Variants in CHN2 observed in about 807,000 individuals in gnomAD.
The protein encoded by CHN2 is beta-chimaerin.
A neutral mutation model predicts 56.3 loss-of-function variants in CHN2; 35 were observed. The observed-to-expected ratio is 0.62, with a 90% CI of 0.47 to 0.82. The LOEUF (loss-of-function observed/expected upper bound fraction) is 0.82. Among genes scored for constraint, CHN2 ranks in the 40% least tolerant of loss-of-function variants. The pLI, the probability that CHN2 is intolerant of heterozygous loss-of-function variation, is 0.00. For synonymous variants in CHN2, 210 were observed against 212.8 expected (o/e 0.99, Z 0.12); for missense variants, 491 against 580.5 (o/e 0.85, Z 1.58).
intron 2 of CHN2, among the ~76,000 whole-genome samples, chr7:29,183,143 G>A (rs1165014609): frequency 6.6e-6 from 1 of 150,478 alleles, no homozygotes; most frequent in African/African-American, 2.5e-5. Context: ...GGAGTGCAAC[G>A]GCGCAATCTT....
intron 6 of CHN2, among the ~76,000 whole-genome samples, chr7:29,478,040 CAG>C (rs998109371): frequency 2.6e-5 from 4 of 152,136 alleles, no homozygotes; most frequent in Admixed American, 2.6e-4. Flanking sequence ...TAATACAAGA[CAG>C]AAAGTGACAA....
intron 1 of CHN2, among the ~76,000 whole-genome samples, chr7:29,323,156 C>T (rs867056226): frequency 4.0e-5 from 6 of 151,090 alleles, no homozygotes; most frequent in African/African-American, 1.5e-4. Context: ...TCCGTCCCCC[C>T]CGTTCCCCCC....
intron 1 of CHN2, among the ~76,000 whole-genome samples, chr7:29,325,697 G>A (rs1795745587): frequency 6.6e-6 from 1 of 152,162 alleles, no homozygotes; most frequent in African/African-American, 2.4e-5. Context: ...GAGTGGGTGT[G>A]GCTTTTAAAG....
intron 11 of CHN2, among the ~76,000 whole-genome samples, chr7:29,508,624 A>G (rs1790899182): frequency 6.6e-6 from 1 of 151,978 alleles, no homozygotes; most frequent in South Asian, 2.1e-4. Context: ...TAGCATCTAG[A>G]TATCCTCTAC....
intron 3 of CHN2, among the ~76,000 whole-genome samples, chr7:29,387,941 T>C (rs1260075179): frequency 1.3e-5 from 2 of 152,248 alleles, no homozygotes; most frequent in Non-Finnish European, 2.9e-5. Context: ...ATATACCTAC[T>C]CATTACTGCA....
intron 1 of CHN2, among the ~76,000 whole-genome samples, chr7:29,304,252 A>G (rs867417067): frequency 1.3e-5 from 2 of 152,172 alleles, no homozygotes; most frequent in South Asian, 2.1e-4. Context: ...AATTAGAGGC[A>G]GAACAGAGCC....
At chr7:29,371,684 C>T (rs1012258163) in intron 3 of CHN2, among the ~76,000 whole-genome samples, 8 of 152,182 alleles carry the variant, frequency 5.3e-5, no homozygotes, top group Admixed American at 3.3e-4. Flanking sequence ...CCTCAGGCCA[C>T]CACCTGTCTC....
chr7:29,314,437 G>A (rs530037896), intron 1 of CHN2, among the ~76,000 whole-genome samples: 2 of 152,344 alleles, frequency 1.3e-5, no homozygotes, highest in South Asian at 2.1e-4. Flanking sequence ...TTTGCAGGAT[G>A]AGGAGAGTTC....
chr7:29,502,097 G>A (rs1790032057), intron 9 of CHN2, among the ~76,000 whole-genome samples: 1 of 152,188 alleles, frequency 6.6e-6, no homozygotes, highest in Non-Finnish European at 1.5e-5. Context: ...TTCTTGGAAT[G>A]ACCCACACCC....
intron 2 of CHN2, among the ~76,000 whole-genome samples, chr7:29,169,880 G>GTATA (rs61360748): frequency 4.9e-4 from 73 of 150,044 alleles, no homozygotes; most frequent in African/African-American, 1.7e-3. Flanking sequence ...GTGTGTGTGT[G>GTATA]TATATATATA....
chr7:29,314,472 C>G (rs1794816668), intron 1 of CHN2, among the ~76,000 whole-genome samples: 1 of 152,116 alleles, frequency 6.6e-6, no homozygotes, highest in Non-Finnish European at 1.5e-5. Context: ...ACAACCATGT[C>G]AATGTACCTA....
intron 1 of CHN2, chr7:29,212,305 G>A (rs532643161): frequency 8.2e-7 from 1 of 1,222,438 alleles, no homozygotes; most frequent in Non-Finnish European, 1.2e-6. Flanking sequence ...ACTAACATGA[G>A]TGTGGATCTG....
chr7:29,398,153 C>T (rs1801912317), intron 4 of CHN2: 2 of 367,430 alleles, frequency 5.4e-6, no homozygotes, highest in Non-Finnish European at 4.8e-6. Flanking sequence ...GCCAGGTGGA[C>T]TGGGCATCCT....
upstream of CHN2, chr7:29,191,962 C>T (rs1194548510): frequency 6.6e-6 from 1 of 152,218 alleles, no homozygotes; most frequent in Non-Finnish European, 1.5e-5. Flanking sequence ...GCTCCTGAAT[C>T]TAAGAAGGAT....
rs767465868 is a variant in CHN2 at position 29,496,006 on chromosome 7, G to A, written c.709G>A (p.Gly237Arg). 6.2e-7 allele frequency: 1 copy of A among 1,612,472 alleles called. No homozygotes were observed. Among genetic ancestry groups the A allele is most frequent in the Non-Finnish European group, 8.5e-7 (1 of 1,179,522 alleles). Residue 237 changes from glycine (G) to arginine (R), a missense_variant, in exon 8 of 13, where the codon GGG (glycine) becomes AGG (arginine). Gly to Arg is a moderately radical substitution (Grantham distance 125, BLOSUM62 -2). Coordinates refer to ENST00000222792, the MANE Select transcript of CHN2 (RefSeq NM_004067.4). Reference sequence around the variant, plus strand: ...TGAATATTGTGCCAATTTCATGTGGGGGCTCATCGCCCAAGGGGTCCGGTG... The same window carrying A: ...TGAATATTGTGCCAATTTCATGTGGAGGCTCATCGCCCAAGGGGTCCGGTG... ...WCEYCANFMW[G>R]LIAQGVRCSD...
intron 1 of CHN2, among the ~76,000 whole-genome samples, chr7:29,195,617 AGAGAGAGAGAGAGT>A (rs1783597010): frequency 7.9e-6 from 1 of 126,536 alleles, no homozygotes; most frequent in African/African-American, 3.5e-5. Context: ...AGAGAGAGAG[AGAGAGAGAGAGAGT>A]GTGTGTGTGT....
At chr7:29,361,208 C>G (rs1010540234) in intron 2 of CHN2, among the ~76,000 whole-genome samples, 3 of 152,136 alleles carry the variant, frequency 2.0e-5, no homozygotes, top group Non-Finnish European at 4.4e-5. Flanking sequence ...CAAGAAGCAA[C>G]GTTTTCAGAT....
At chr7:29,189,452 A>G (rs893004915) in intron 2 of CHN2, among the ~76,000 whole-genome samples, 1 of 152,138 alleles carries the variant, frequency 6.6e-6, no homozygotes, top group Non-Finnish European at 1.5e-5. Flanking sequence ...AGAAGACACG[A>G]AAAACAAACT....
chr7:29,340,408 G>T (rs559574562), intron 1 of CHN2, among the ~76,000 whole-genome samples: 3 of 150,678 alleles, frequency 2.0e-5, no homozygotes, highest in Non-Finnish European at 4.4e-5. Context: ...TTGGGGGGGG[G>T]CCTCAATATT....
Sources: gnomAD v4.1 joint callset for allele counts (sites outside exome capture counted in the v4.1 genomes callset) on GRCh38, gnomAD v4.1.1 for gene constraint, MANE v1.5 for transcripts, NCBI Gene and HGNC (gene_info 2026-07-23, HGNC 2026-07-21) for gene names.